SPMIP11: variants seen among roughly 807,000 people sequenced by gnomAD.
The protein encoded by SPMIP11 is long intergenic non-protein coding RNA 935.
At chr12:48,736,092 T>C in the SPMIP11 span, 1 of 453,194 alleles carries the variant, frequency 2.2e-6, no homozygotes. Flanking sequence ...CCCTAGAAAC[T>C]TTTTGTTTAT....
At chr12:48,764,819 T>C in the SPMIP11 span, 1 of 700,354 alleles carries the variant, frequency 1.4e-6, no homozygotes, top group Non-Finnish European at 2.6e-6. Context: ...TTGAAGGAAT[T>C]AGATAACCTG....
At chr12:48,759,948 A>G in the SPMIP11 span, among the ~76,000 whole-genome samples, 2 of 152,088 alleles carry the variant, frequency 1.3e-5, no homozygotes, top group Non-Finnish European at 2.9e-5. Context: ...CTGAGATTAC[A>G]GGTGCCTGCC....
chr12:48,745,909 T>C, the SPMIP11 span, among the ~76,000 whole-genome samples: 52 of 152,174 alleles, frequency 3.4e-4, no homozygotes, highest in African/African-American at 1.2e-3. Flanking sequence ...TATATATTCG[T>C]ATGTATAAAT....
chr12:48,770,654 A>C, the SPMIP11 span: 1 of 1,108,010 alleles, frequency 9.0e-7, no homozygotes, highest in Non-Finnish European at 1.3e-6. Flanking sequence ...AGAGGGAAGA[A>C]AACCCCACAG....
chr12:48,746,453 G>A, the SPMIP11 span, among the ~76,000 whole-genome samples: 5 of 135,698 alleles, frequency 3.7e-5, no homozygotes, highest in Admixed American at 8.6e-5. Flanking sequence ...TGCAACCTCC[G>A]CCTCCCAGGT....
chr12:48,731,268 G>A, the SPMIP11 span, among the ~76,000 whole-genome samples: 7 of 152,212 alleles, frequency 4.6e-5, no homozygotes, highest in South Asian at 2.1e-4. Flanking sequence ...CAACGTGGGC[G>A]GATCATGAGG....
At chr12:48,753,793 C>A in the SPMIP11 span, among the ~76,000 whole-genome samples, 1 of 151,574 alleles carries the variant, frequency 6.6e-6, no homozygotes. Context: ...CCTCTGCCCC[C>A]CCGGGTTCAA....
chr12:48,735,497 A>T, the SPMIP11 span, among the ~76,000 whole-genome samples: 1 of 152,180 alleles, frequency 6.6e-6, no homozygotes, highest in Non-Finnish European at 1.5e-5. Context: ...AGGCAGGAGA[A>T]TCACTTGAAC....
At chr12:48,757,212 C>T in the SPMIP11 span, among the ~76,000 whole-genome samples, 5 of 152,180 alleles carry the variant, frequency 3.3e-5, no homozygotes, top group South Asian at 1.0e-3. Context: ...AAACAGCTTT[C>T]CTTTTCTCAC....
the SPMIP11 span, among the ~76,000 whole-genome samples, chr12:48,759,806 GA>G: frequency 1.1e-4 from 16 of 150,754 alleles, no homozygotes; most frequent in African/African-American, 2.4e-4. Context: ...ATGATAAAAT[GA>G]AAAAAAAAAT....
At chr12:48,768,226 C>T in the SPMIP11 span, 1 of 348,286 alleles carries the variant, frequency 2.9e-6, no homozygotes, top group Admixed American at 4.2e-5. Flanking sequence ...CCTGAACCTG[C>T]TGCCCAGACA....
At chr12:48,765,548 G>A in the SPMIP11 span, 4 of 701,206 alleles carry the variant, frequency 5.7e-6, no homozygotes, top group Non-Finnish European at 7.8e-6. Context: ...CTATTTTTAA[G>A]GATCTCCTGC....
the SPMIP11 span, chr12:48,765,097 GGA>G: frequency 1.6e-6 from 1 of 612,842 alleles, no homozygotes; most frequent in African/African-American, 1.8e-5. Flanking sequence ...TAGGGAATTA[GGA>G]GAGATTTGAG....
the SPMIP11 span, among the ~76,000 whole-genome samples, chr12:48,761,414 G>A: frequency 6.7e-6 from 1 of 149,448 alleles, no homozygotes; most frequent in Non-Finnish European, 1.5e-5. Context: ...TGGCACCATT[G>A]CACTCCAGCC....
At chr12:48,761,366 G>A in the SPMIP11 span, among the ~76,000 whole-genome samples, 12 of 151,166 alleles carry the variant, frequency 7.9e-5, no homozygotes, top group South Asian at 2.1e-4. Context: ...CAGGAGAATC[G>A]CTTGAACCCA....
chr12:48,763,420 C>T, the SPMIP11 span, among the ~76,000 whole-genome samples: 1 of 151,918 alleles, frequency 6.6e-6, no homozygotes, highest in Non-Finnish European at 1.5e-5. Flanking sequence ...AGTGATCCAT[C>T]TGCCTCTTAA....
the SPMIP11 span, among the ~76,000 whole-genome samples, chr12:48,732,024 C>T: frequency 6.6e-6 from 1 of 151,814 alleles, no homozygotes; most frequent in South Asian, 2.1e-4. Context: ...TGGCACACAC[C>T]TGTAATCCTA....
the SPMIP11 span, among the ~76,000 whole-genome samples, chr12:48,754,599 C>T: frequency 1.3e-5 from 2 of 151,630 alleles, no homozygotes; most frequent in South Asian, 2.1e-4. Context: ...TACAGGTGCC[C>T]GCCACCATGC....
At chr12:48,745,758 T>C in the SPMIP11 span, among the ~76,000 whole-genome samples, 1 of 152,218 alleles carries the variant, frequency 6.6e-6, no homozygotes, top group Non-Finnish European at 1.5e-5. Context: ...TGACAGTTTT[T>C]ACTAAAAAAT....
Sources: gnomAD v4.1 joint callset for allele counts (sites outside exome capture counted in the v4.1 genomes callset) on GRCh38, gnomAD v4.1.1 for gene constraint, MANE v1.5 for transcripts, NCBI Gene and HGNC (gene_info 2026-07-23, HGNC 2026-07-21) for gene names.